Variants in LYPLA1 observed in about 807,000 individuals in gnomAD.
The protein encoded by LYPLA1 is acyl-protein thioesterase 1.
Under a neutral mutation model 34.0 loss-of-function variants are expected in LYPLA1, and 17 were observed. The observed-to-expected ratio is 0.50, with a 90% CI of 0.34 to 0.75. LYPLA1 has a LOEUF of 0.75. Among genes scored for constraint, LYPLA1 ranks in the 30% least tolerant of loss-of-function variants. The pLI, the probability that LYPLA1 is intolerant of heterozygous loss-of-function variation, is 0.01. For synonymous variants in LYPLA1, 98 were observed against 100.8 expected (o/e 0.97, Z 0.17); for missense variants, 203 against 288.8 (o/e 0.70, Z 2.15).
At chr8:54,053,705 G>A (rs1231834967) in intron 6 of LYPLA1, 3 of 456,272 alleles carry the variant, frequency 6.6e-6, no homozygotes, top group South Asian at 4.6e-5. Flanking sequence ...AAAAGCTATA[G>A]GCTGCAAAAG....
chr8:54,057,845 G>A (rs565545702), intron 5 of LYPLA1, among the ~76,000 whole-genome samples: 77 of 152,110 alleles, frequency 5.1e-4, no homozygotes, highest in Non-Finnish European at 9.3e-4. Context: ...AACGCTTGAG[G>A]GGATGGACAC....
At chr8:54,086,438 TAAAAAAAAAAAAAAA>T (rs768755796) in intron 2 of LYPLA1, among the ~76,000 whole-genome samples, 11 of 34,692 alleles carry the variant, frequency 3.2e-4, no homozygotes, top group Non-Finnish European at 1.6e-4. Context: ...CTAAAAAAAT[TAAAAAAAAAAAAAAA>T]AAAAAAAAAA....
At chr8:54,078,571 G>A (rs574247388) in intron 2 of LYPLA1, among the ~76,000 whole-genome samples, 99 of 152,272 alleles carry the variant, frequency 6.5e-4, no homozygotes, top group African/African-American at 2.2e-3. Flanking sequence ...TGTAAGTCAA[G>A]GCGCATCTAT....
intron 2 of LYPLA1, among the ~76,000 whole-genome samples, chr8:54,096,637 T>A (rs778066163): frequency 1.3e-5 from 2 of 151,066 alleles, no homozygotes; most frequent in Non-Finnish European, 2.9e-5. Flanking sequence ...CAGCTACTCA[T>A]GAGGCTGAGG....
chr8:54,069,452 G>A (rs1807307483), intron 2 of LYPLA1, among the ~76,000 whole-genome samples: 1 of 152,136 alleles, frequency 6.6e-6, no homozygotes, highest in Non-Finnish European at 1.5e-5. Context: ...GGTGGCTCAT[G>A]CCTGTAATCC....
chr8:54,098,993 AAAG>A (rs1809902921), intron 2 of LYPLA1, among the ~76,000 whole-genome samples: 1 of 152,230 alleles, frequency 6.6e-6, no homozygotes, highest in African/African-American at 2.4e-5. Context: ...AACAGGTTAA[AAAG>A]AAGGATACTT....
chr8:54,077,617 G>A lies in LYPLA1; in HGVS notation c.102-11804C>T, dbSNP rs186983903. Among the ~76,000 whole-genome samples, 1,079 of 152,196 alleles carry A rather than the reference G, an allele frequency of 7.1e-3. 20 individuals carry two copies. Among genetic ancestry groups the A allele is most frequent in the African/African-American group, 0.021 (868 of 41,538 alleles). On this transcript the variant is annotated intron_variant, in intron 2 of 8. Coordinates refer to ENST00000316963, the MANE Select transcript of LYPLA1 (RefSeq NM_006330.4). Reference sequence around the variant, plus strand: ...TACAGACCAGCCTGGCCAACATGGCGAAACCCCGTCTCTACTAAAAATAAA... The same window carrying A: ...TACAGACCAGCCTGGCCAACATGGCAAAACCCCGTCTCTACTAAAAATAAA...
intron 2 of LYPLA1, among the ~76,000 whole-genome samples, chr8:54,071,230 T>C (rs1807437080): frequency 6.6e-6 from 1 of 151,986 alleles, no homozygotes. Flanking sequence ...CACATACTCC[T>C]GGAAAGGATC....
intron 2 of LYPLA1, among the ~76,000 whole-genome samples, chr8:54,084,857 T>C (rs1195289938): frequency 6.6e-6 from 1 of 152,162 alleles, no homozygotes; most frequent in Non-Finnish European, 1.5e-5. Context: ...ACAAAATCTA[T>C]ACAGGCCTGT....
intron 2 of LYPLA1, among the ~76,000 whole-genome samples, chr8:54,074,057 C>T (rs981836752): frequency 4.6e-5 from 7 of 152,110 alleles, no homozygotes; most frequent in African/African-American, 1.4e-4. Context: ...GGGCGGATCA[C>T]GAGGTCAGGA....
chr8:54,091,204 C>A (rs746344081), intron 2 of LYPLA1, among the ~76,000 whole-genome samples: 1 of 152,064 alleles, frequency 6.6e-6, no homozygotes, highest in African/African-American at 2.4e-5. Context: ...TACTAAGAAC[C>A]AGGCAGGGCA....
intron 2 of LYPLA1, among the ~76,000 whole-genome samples, chr8:54,093,262 C>T (rs1367633140): frequency 6.6e-6 from 1 of 152,202 alleles, no homozygotes; most frequent in African/African-American, 2.4e-5. Context: ...TCACATCCAC[C>T]TGAAACCTCG....
At chr8:54,051,758 A>T (rs1284594916) in intron 7 of LYPLA1, among the ~76,000 whole-genome samples, 1 of 150,264 alleles carries the variant, frequency 6.7e-6, no homozygotes, top group Non-Finnish European at 1.5e-5. Flanking sequence ...CAAGCAGATT[A>T]TATTTTAATC....
intron 2 of LYPLA1, among the ~76,000 whole-genome samples, chr8:54,097,419 A>C (rs1399257527): frequency 6.6e-6 from 1 of 152,264 alleles, no homozygotes; most frequent in Non-Finnish European, 1.5e-5. Context: ...GAATTGTTCC[A>C]GATTAAAAGA....
intron 8 of LYPLA1, among the ~76,000 whole-genome samples, chr8:54,049,165 T>C (rs1042554848): frequency 3.9e-5 from 6 of 152,218 alleles, no homozygotes; most frequent in Admixed American, 3.3e-4. Flanking sequence ...TTACCACCTC[T>C]TTCTCCGTCC....
At position 54,047,728 on chromosome 8, in the gene LYPLA1, T is replaced by C; in HGVS notation, c.*337A>G. 2 of 205,410 alleles carry C rather than the reference T, an allele frequency of 9.7e-6. No individual in the cohort carries two copies. Among genetic ancestry groups the C allele is most frequent in the Non-Finnish European group, 1.9e-5 (2 of 103,368 alleles). 12.7% of individuals were successfully genotyped at this position (205,410 alleles called of 1,614,324 possible). On this transcript the variant is annotated 3_prime_UTR_variant, in exon 9 of 9. Coordinates refer to ENST00000316963, the MANE Select transcript of LYPLA1 (RefSeq NM_006330.4). ...TGCTCATTTATACCTGAACAAATTT[T>C]CATTAAGCATACTGCTAATTTTCAA... is the stretch of plus-strand genomic sequence containing the variant.
chr8:54,078,385 T>C (rs776746081), intron 2 of LYPLA1, among the ~76,000 whole-genome samples: 6 of 152,202 alleles, frequency 3.9e-5, no homozygotes, highest in South Asian at 2.1e-4. Flanking sequence ...AACTGCATAA[T>C]AGTTGCAAAG....
intron 2 of LYPLA1, among the ~76,000 whole-genome samples, chr8:54,081,269 T>A (rs1317635484): frequency 1.3e-5 from 2 of 152,146 alleles, no homozygotes; most frequent in Non-Finnish European, 2.9e-5. Flanking sequence ...CAATAATTAT[T>A]AATATTATTT....
At chr8:54,099,125 G>GTT (rs565809813) in intron 2 of LYPLA1, among the ~76,000 whole-genome samples, 5 of 145,818 alleles carry the variant, frequency 3.4e-5, no homozygotes, top group Admixed American at 1.4e-4. Context: ...CTAGACTGAA[G>GTT]TTTTTTTTTT....
Sources: gnomAD v4.1 joint callset for allele counts (sites outside exome capture counted in the v4.1 genomes callset) on GRCh38, gnomAD v4.1.1 for gene constraint, MANE v1.5 for transcripts, NCBI Gene and HGNC (gene_info 2026-07-23, HGNC 2026-07-21) for gene names.